The following GMCL1 variants were observed in gnomAD, a reference collection of about 807,000 sequenced individuals.
The protein encoded by GMCL1 is germ cell-less protein-like 1.
GMCL1 carries 54 observed loss-of-function variants against 75.5 expected under a neutral mutation model. That is an observed-to-expected ratio of 0.71 (90% CI 0.57 to 0.90). The LOEUF (loss-of-function observed/expected upper bound fraction) is 0.90, where lower values mean the gene tolerates loss of function less well. Ranked by LOEUF, GMCL1 falls within the 40% of genes least tolerant of loss-of-function variation. The pLI is 0.00. For missense variants in GMCL1, 537 were observed against 622.7 expected, an observed-to-expected ratio of 0.86 and a Z score of 1.47; for synonymous variants, 210 against 209.6, an observed-to-expected ratio of 1.00 and a Z score of -0.02.
intron 13 of GMCL1, among the ~76,000 whole-genome samples, chr2:69,874,806 A>G (rs960666319): frequency 4.0e-5 from 6 of 151,356 alleles, no homozygotes; most frequent in African/African-American, 1.5e-4. Flanking sequence ...CAATGGTACA[A>G]TCTTGGCTCA....
intron 9 of GMCL1, among the ~76,000 whole-genome samples, chr2:69,859,207 C>T (rs921728009): frequency 2.7e-5 from 4 of 150,268 alleles, no homozygotes; most frequent in African/African-American, 9.8e-5. Context: ...AGAATATTTA[C>T]GTATGTCTGA....
chr2:69,840,334 C>T (rs768160787), intron 3 of GMCL1, among the ~76,000 whole-genome samples: 6 of 151,500 alleles, frequency 4.0e-5, no homozygotes, highest in African/African-American at 1.5e-4. Flanking sequence ...GGCGTGAACC[C>T]GGGAGGCAGA....
At chr2:69,859,829 A>T (rs1301870753) in intron 9 of GMCL1, among the ~76,000 whole-genome samples, 2 of 151,514 alleles carry the variant, frequency 1.3e-5, no homozygotes, top group Admixed American at 6.6e-5. Context: ...TTTATTAAGT[A>T]GAGACCTAGG....
At chr2:69,861,968 C>T (rs1268208866) in intron 10 of GMCL1, among the ~76,000 whole-genome samples, 2 of 152,040 alleles carry the variant, frequency 1.3e-5, no homozygotes, top group African/African-American at 4.8e-5. Context: ...CTCCACTGCA[C>T]TTCCAAGCCT....
At chr2:69,856,855 G>A (rs150724429) in intron 9 of GMCL1, among the ~76,000 whole-genome samples, 3 of 151,626 alleles carry the variant, frequency 2.0e-5, no homozygotes, top group East Asian at 3.9e-4. Flanking sequence ...TTAAGACTTA[G>A]ACACTTATTT....
chr2:69,839,447 T>TC lies in GMCL1; in HGVS notation c.385-10_385-9insC. ...TACTTGATAATCGTTGACTTTTTTT[T>TC]TTGTTTAAGTCTGGCTACTTTTCTA... On this transcript the variant is annotated splice_polypyrimidine_tract_variant and intron_variant, in intron 2 of 13. Coordinates refer to ENST00000282570, the MANE Select transcript of GMCL1 (RefSeq NM_178439.5). 1 of 1,535,796 alleles carries TC rather than the reference T, an allele frequency of 6.5e-7. No homozygotes were observed. Among genetic ancestry groups the TC allele is most frequent in the Non-Finnish European group, 8.9e-7 (1 of 1,125,102 alleles).
chr2:69,846,562 A>G (rs1287836922), intron 6 of GMCL1, among the ~76,000 whole-genome samples: 1 of 152,168 alleles, frequency 6.6e-6, no homozygotes, highest in Non-Finnish European at 1.5e-5. Flanking sequence ...GGATGACTCT[A>G]ATTTCTCACT....
chr2:69,869,269 T>C lies in GMCL1; in HGVS notation c.1219-450T>C, dbSNP rs1368755039. 3.6e-5 allele frequency among the ~76,000 whole-genome samples: 3 copies of C among 83,786 alleles called. No individual in the cohort carries two copies. The East Asian group carries it at 9.0e-4, about 25-fold the overall frequency. 55.0% of individuals were successfully genotyped at this position (83,786 alleles called of 152,430 possible). On this transcript the variant is annotated intron_variant, in intron 11 of 13. Coordinates refer to ENST00000282570, the MANE Select transcript of GMCL1 (RefSeq NM_178439.5). Reference sequence around the variant, plus strand: ...TGTCTCAAAAAAAAAAAAAAAAAAATTAGCCGGGCGTGGTGGCAGGGACCT... The same window carrying C: ...TGTCTCAAAAAAAAAAAAAAAAAAACTAGCCGGGCGTGGTGGCAGGGACCT...
chr2:69,847,228 C>T (rs1027818438), intron 6 of GMCL1, among the ~76,000 whole-genome samples: 10 of 152,012 alleles, frequency 6.6e-5, no homozygotes, highest in Admixed American at 2.6e-4. Flanking sequence ...GTTATCTTAC[C>T]GGAACCTTGC....
chr2:69,871,695 C>T, intron 12 of GMCL1, 50 bp from the exon 13 acceptor site: 1 of 956,560 alleles, frequency 1.0e-6, no homozygotes, highest in Non-Finnish European at 1.6e-6. Context: ...CTTGTTTAAT[C>T]TGTGGTTTAA....
At chr2:69,861,998 A>C (rs56222989) in intron 10 of GMCL1, among the ~76,000 whole-genome samples, 1 of 152,006 alleles carries the variant, frequency 6.6e-6, no homozygotes, top group African/African-American at 2.4e-5. Context: ...AGTGAGACTC[A>C]GTCTCAAAAA....
chr2:69,865,301 G>A (rs1675777825), intron 11 of GMCL1, among the ~76,000 whole-genome samples: 1 of 152,218 alleles, frequency 6.6e-6, no homozygotes, highest in Non-Finnish European at 1.5e-5. Context: ...CTGTGTTACA[G>A]TTGTCCTAAA....
At chr2:69,876,485 G>C (rs1321926576) in intron 13 of GMCL1, among the ~76,000 whole-genome samples, 1 of 152,200 alleles carries the variant, frequency 6.6e-6, no homozygotes, top group Non-Finnish European at 1.5e-5. Flanking sequence ...TTTAATTTGA[G>C]AGCATCAAGG....
chr2:69,846,495 A>G (rs946911341), intron 6 of GMCL1, among the ~76,000 whole-genome samples: 2 of 152,202 alleles, frequency 1.3e-5, no homozygotes, highest in African/African-American at 2.4e-5. Context: ...GGACTTGAGC[A>G]TAGAGGATTT....
At chr2:69,834,496 C>T (rs1420778377) in intron 1 of GMCL1, among the ~76,000 whole-genome samples, 3 of 152,168 alleles carry the variant, frequency 2.0e-5, no homozygotes, top group Non-Finnish European at 2.9e-5. Context: ...TTTATTCATC[C>T]TCTGACTGGG....
At chr2:69,872,294 G>A (rs1287780936) in intron 13 of GMCL1, among the ~76,000 whole-genome samples, 1 of 152,124 alleles carries the variant, frequency 6.6e-6, no homozygotes, top group African/African-American at 2.4e-5. Context: ...ACTCTGCAAT[G>A]TTCCCCAGAT....
intron 1 of GMCL1, among the ~76,000 whole-genome samples, chr2:69,835,081 C>G (rs1004671117): frequency 4.6e-5 from 7 of 152,070 alleles, no homozygotes; most frequent in Admixed American, 4.6e-4. Context: ...CTATAACCAA[C>G]TTCGTAGTCT....
Position 69,840,985 on chromosome 2 carries a change from G to C in GMCL1, c.525G>C (p.Leu175Phe), listed in dbSNP as rs771747839. The change falls in exon 4 of 14, where the codon TTG becomes TTC. Residue 175 changes from leucine (L) to phenylalanine (F), a missense_variant. Leu to Phe is a conservative substitution (Grantham distance 22, BLOSUM62 0). Coordinates refer to ENST00000282570, the MANE Select transcript of GMCL1 (RefSeq NM_178439.5). ...AFGSLYRDDV[L>F]IKPSRVVAIL... ...GTTCACTGTATCGAGATGATGTCTT[G>C]ATAAAGCCCAGTCGAGTTGTTGCCA... 2.5e-6 allele frequency: 4 copies of C among 1,614,026 alleles called. No homozygotes were observed. In the East Asian group the frequency reaches 8.9e-5, roughly 36 times the overall value.
At chr2:69,832,210 ACT>A (rs1295590004) in intron 1 of GMCL1, among the ~76,000 whole-genome samples, 4 of 146,102 alleles carry the variant, frequency 2.7e-5, no homozygotes, top group African/African-American at 7.9e-5. Context: ...ACAAAGTGAG[ACT>A]CTGTCTCAAA....
Sources: allele counts gnomAD v4.1 joint callset (sites outside exome capture counted in the v4.1 genomes callset), GRCh38; gene constraint gnomAD v4.1.1; transcripts MANE v1.5; gene names NCBI Gene and HGNC (gene_info 2026-07-23, HGNC 2026-07-21).